Variants in PEBP4 observed in about 807,000 individuals in gnomAD.
The protein encoded by PEBP4 is phosphatidylethanolamine binding protein 4.
In PEBP4, 22 loss-of-function variants were observed where a neutral mutation model predicts 23.9. The observed-to-expected ratio is 0.92, with a 90% CI of 0.66 to 1.31. The LOEUF (loss-of-function observed/expected upper bound fraction) is 1.31. Among genes scored for constraint, PEBP4 ranks in the 40% most tolerant of loss-of-function variants. The probability of loss-of-function intolerance (pLI) is 0.00; values close to 1 mark genes in which losing one functional copy is unlikely to be tolerated. For synonymous variants in PEBP4, 112 were observed against 99.3 expected, an observed-to-expected ratio of 1.13 and a Z score of -0.76; for missense variants, 324 against 281.7, an observed-to-expected ratio of 1.15 and a Z score of -1.07.
intron 4 of PEBP4, among the ~76,000 whole-genome samples, chr8:22,742,118 A>G (rs746089890): frequency 6.5e-4 from 99 of 152,298 alleles, no homozygotes; most frequent in Non-Finnish European, 1.2e-3. Flanking sequence ...GGATTCTAGG[A>G]CACCAGGCCC....
At chr8:22,783,049 C>A (rs1323408232) in intron 4 of PEBP4, among the ~76,000 whole-genome samples, 1 of 152,234 alleles carries the variant, frequency 6.6e-6, no homozygotes, top group Non-Finnish European at 1.5e-5. Context: ...CAGGCACCTG[C>A]TCCATGCAGA....
At chr8:22,916,645 G>GTCAT (rs57062493) in intron 3 of PEBP4, among the ~76,000 whole-genome samples, 34,684 of 151,752 alleles carry the variant, frequency 0.23, 4,262 homozygotes, top group Non-Finnish European at 0.28. Context: ...TCTCCCACAT[G>GTCAT]TCATTCATTC....
intron 3 of PEBP4, among the ~76,000 whole-genome samples, chr8:22,869,541 C>T (rs144115961): frequency 6.6e-6 from 1 of 152,316 alleles, no homozygotes; most frequent in African/African-American, 2.4e-5. Context: ...CCCATAGCTG[C>T]TCTTGTTTTG....
At chr8:22,891,241 T>A (rs1007649380) in intron 3 of PEBP4, among the ~76,000 whole-genome samples, 7 of 152,104 alleles carry the variant, frequency 4.6e-5, no homozygotes, top group African/African-American at 1.7e-4. Flanking sequence ...ACTTGCCAGA[T>A]GAATGAATGA....
intron 3 of PEBP4, among the ~76,000 whole-genome samples, chr8:22,819,378 C>T (rs1455534338): frequency 6.6e-6 from 1 of 152,170 alleles, no homozygotes; most frequent in Non-Finnish European, 1.5e-5. Flanking sequence ...GATTTGACAA[C>T]TTGGATATCA....
chr8:22,856,693 G>A (rs1459306262), intron 3 of PEBP4, among the ~76,000 whole-genome samples: 1 of 151,928 alleles, frequency 6.6e-6, no homozygotes, highest in Non-Finnish European at 1.5e-5. Flanking sequence ...TCTAGCCTGG[G>A]CAATAGAGGG....
At chr8:22,816,103 G>A (rs1417507285) in intron 4 of PEBP4, among the ~76,000 whole-genome samples, 6 of 152,190 alleles carry the variant, frequency 3.9e-5, no homozygotes, top group Non-Finnish European at 7.3e-5. Flanking sequence ...CTAGCCTTGG[G>A]GGGTGAGGGG....
chr8:22,798,797 G>A (rs1806323322), intron 4 of PEBP4, among the ~76,000 whole-genome samples: 1 of 142,304 alleles, frequency 7.0e-6, no homozygotes, highest in African/African-American at 2.6e-5. Context: ...GAGTGCAGTG[G>A]CGTGATCTCA....
At chr8:22,883,362 C>T (rs1808303750) in intron 3 of PEBP4, among the ~76,000 whole-genome samples, 1 of 152,134 alleles carries the variant, frequency 6.6e-6, no homozygotes, top group Non-Finnish European at 1.5e-5. Context: ...TTGCATCACC[C>T]ATTAACACAC....
intron 3 of PEBP4, among the ~76,000 whole-genome samples, chr8:22,918,570 T>G (rs1209785527): frequency 6.6e-6 from 1 of 152,160 alleles, no homozygotes; most frequent in Middle Eastern, 3.2e-3. Context: ...AAGTCTACAC[T>G]GCCATCTAGT....
At chr8:22,870,307 A>G (rs1807983050) in intron 3 of PEBP4, among the ~76,000 whole-genome samples, 3 of 152,248 alleles carry the variant, frequency 2.0e-5, no homozygotes, top group African/African-American at 4.8e-5. Context: ...TCTTAAATGC[A>G]TATTACTAAG....
At chr8:22,771,946 A>C (rs1226371395) in intron 4 of PEBP4, among the ~76,000 whole-genome samples, 2 of 152,262 alleles carry the variant, frequency 1.3e-5, no homozygotes, top group Non-Finnish European at 2.9e-5. Context: ...CCTGCTCTGC[A>C]GGAGCAGTCA....
chr8:22,863,021 C>T (rs1029449136), intron 3 of PEBP4, among the ~76,000 whole-genome samples: 3 of 152,030 alleles, frequency 2.0e-5, no homozygotes, highest in Admixed American at 6.5e-5. Context: ...AGGATGGTCT[C>T]GAGCTCCTGA....
At chr8:22,901,911 TAAG>T (rs1808719657) in intron 3 of PEBP4, among the ~76,000 whole-genome samples, 1 of 152,148 alleles carries the variant, frequency 6.6e-6, no homozygotes, top group Non-Finnish European at 1.5e-5. Context: ...ATGATTCAAA[TAAG>T]AAGTTTGAGT....
At chr8:22,919,994 C>T (rs1251046842) in intron 3 of PEBP4, among the ~76,000 whole-genome samples, 190 bp downstream of exon 3, 1 of 152,160 alleles carries the variant, frequency 6.6e-6, no homozygotes, top group Non-Finnish European at 1.5e-5. Flanking sequence ...GCAGCCCTCC[C>T]ACCAGCCCCC....
At chr8:22,930,651 C>A (rs894539979), upstream of PEBP4, among the ~76,000 whole-genome samples, 2 of 152,086 alleles carry the variant, frequency 1.3e-5, no homozygotes, top group African/African-American at 4.8e-5. Context: ...GCCCTGGATG[C>A]CTTTTGCTTA....
chr8:22,865,947 CGGTG>C lies in PEBP4; in HGVS notation c.259-48216_259-48213del. ...CCTCGAGGTGTGGCCCGGCGCCGGG[CGGTG>C]CTGCCCGGAGAGCGCGCAGCCCCCA... On this transcript the variant is annotated intron_variant, in intron 3 of 6. Coordinates refer to ENST00000256404, the MANE Select transcript of PEBP4 (RefSeq NM_144962.3). The surrounding 1 kb of genome is among the most constrained non-coding windows in gnomAD (Gnocchi z 6.9). 6.6e-6 allele frequency among the ~76,000 whole-genome samples: 1 copy of C among 152,052 alleles called. No homozygotes were observed. The highest frequency in any genetic ancestry group is 6.5e-5 in the Admixed American group (1 of 15,274).
At chr8:22,876,871 C>A (rs1808132706) in intron 3 of PEBP4, among the ~76,000 whole-genome samples, 1 of 152,144 alleles carries the variant, frequency 6.6e-6, no homozygotes, top group Admixed American at 6.5e-5. Context: ...AGAACCTCTC[C>A]CTTAACTGCT....
intron 4 of PEBP4, among the ~76,000 whole-genome samples, chr8:22,810,632 G>A (rs912538234): frequency 1.3e-5 from 2 of 151,758 alleles, no homozygotes; most frequent in Non-Finnish European, 2.9e-5. Context: ...TTGGGTGAGC[G>A]AGACTGTGCT....
Sources: allele counts gnomAD v4.1 joint callset (sites outside exome capture counted in the v4.1 genomes callset), GRCh38; gene constraint gnomAD v4.1.1; non-coding constraint Gnocchi (gnomAD v3.1); transcripts MANE v1.5; gene names NCBI Gene and HGNC (gene_info 2026-07-23, HGNC 2026-07-21).